The following PICALM variants were observed in gnomAD, a reference collection of about 807,000 sequenced individuals.
The protein encoded by PICALM is phosphatidylinositol binding clathrin assembly protein, also known as phosphatidylinositol-binding clathrin assembly protein.
In PICALM, 40 loss-of-function variants were observed where a neutral mutation model predicts 80.5. The ratio of observed to expected loss-of-function variants is 0.50; its 90% CI spans 0.39 to 0.65. The LOEUF (loss-of-function observed/expected upper bound fraction) is 0.65, where lower values mean the gene tolerates loss of function less well. Ranked by LOEUF, PICALM falls within the 30% of genes least tolerant of loss-of-function variation. PICALM has a pLI of 0.00. For synonymous variants in PICALM, 288 were observed against 260.3 expected, an observed-to-expected ratio of 1.11 and a Z score of -1.02; for missense variants, 676 against 778.9, an observed-to-expected ratio of 0.87 and a Z score of 1.57.
intron 19 of PICALM, among the ~76,000 whole-genome samples, chr11:85,960,157 G>A (rs571665096): frequency 6.6e-6 from 1 of 152,048 alleles, no homozygotes; most frequent in South Asian, 2.1e-4. Context: ...GGGTACTACT[G>A]TTCATTCAAA....
At chr11:86,030,468 C>T (rs765401081) in intron 2 of PICALM, among the ~76,000 whole-genome samples, 2 of 152,112 alleles carry the variant, frequency 1.3e-5, no homozygotes, top group Non-Finnish European at 2.9e-5. Context: ...GTTATCTTCC[C>T]GGGCTGCATT....
chr11:86,037,452 G>T (rs1295474002), intron 1 of PICALM, among the ~76,000 whole-genome samples: 1 of 151,172 alleles, frequency 6.6e-6, no homozygotes, highest in African/African-American at 2.4e-5. Flanking sequence ...TAGAGATGGG[G>T]TTTCACCATC....
rs111363979 is a variant in PICALM at position 86,001,186 on chromosome 11, G to A, written c.894-28C>T. ...AGGATAATTGAACAGAGATAATTTG[G>A]CTTTTTGCTAAACACTTCACATTAC... is the stretch of plus-strand genomic sequence containing the variant. On this transcript the variant is annotated intron_variant, in intron 9 of 19. Coordinates refer to ENST00000393346, the MANE Select transcript of PICALM (RefSeq NM_007166.4). 2.3e-4 allele frequency: 367 copies of A among 1,608,772 alleles called. 2 individuals carry two copies. In the African/African-American group the frequency reaches 4.1e-3, roughly 18 times the overall value.
chr11:86,033,991 A>T (rs2095801416), intron 1 of PICALM, among the ~76,000 whole-genome samples: 1 of 152,208 alleles, frequency 6.6e-6, no homozygotes, highest in African/African-American at 2.4e-5. Flanking sequence ...ATTTCAAATT[A>T]AAAGGGGATC....
At chr11:86,012,125 G>T (rs2095408703) in intron 6 of PICALM, among the ~76,000 whole-genome samples, 156 bp downstream of exon 6, 1 of 152,168 alleles carries the variant, frequency 6.6e-6, no homozygotes, top group Non-Finnish European at 1.5e-5. Context: ...ACTTGCAGAA[G>T]TAATTAGGTA....
chr11:85,958,921 A>G lies in PICALM; in HGVS notation c.*125T>C, dbSNP rs1341578085. 1.6e-6 allele frequency: 1 copy of G among 637,136 alleles called. No homozygotes were observed. The highest frequency in any genetic ancestry group is 2.6e-5 in the East Asian group (1 of 37,750). 39.5% of individuals were successfully genotyped at this position (637,136 alleles called of 1,614,324 possible). A position where few individuals can be genotyped will look rare whatever the true frequency, so the allele number is the denominator to read the frequency against. On this transcript the variant is annotated 3_prime_UTR_variant, in exon 20 of 20. Coordinates refer to ENST00000393346, the MANE Select transcript of PICALM (RefSeq NM_007166.4). Reference sequence around the variant, plus strand: ...CATGGGCCTTCACTGAGTTACTTGTAGCATTCTAATGGAAGAAGAGAGTTT... The same window carrying G: ...CATGGGCCTTCACTGAGTTACTTGTGGCATTCTAATGGAAGAAGAGAGTTT...
Position 85,974,739 on chromosome 11 carries a change from G to C in PICALM, c.1913C>G (p.Pro638Arg), listed in dbSNP as rs765201736. The C allele has an allele frequency of 3.7e-6, 6 of 1,613,064 alleles. No individual in the cohort carries two copies. In the African/African-American group the frequency reaches 8.0e-5, roughly 22 times the overall value. Residue 638 changes from proline (P) to arginine (R), a missense_variant, in exon 19 of 20, where the codon CCA (proline) becomes CGA (arginine). This residue lies in a region of PICALM where 391 missense variants were observed against 383.6 expected (regional missense o/e 1.02). Transcript: ENST00000393346. ...LIYSQPVMRP[P>R]NPFGPVSGAQ... is the part of the protein sequence containing the mutation. ...TCCTGATACAGGGCCAAAGGGGTTT[G>C]GAGGTCTCATGACAGGCTGGCTGTA...
intron 6 of PICALM, 98 bp downstream of exon 6, chr11:86,012,183 T>C: frequency 1.8e-6 from 1 of 557,740 alleles, no homozygotes; most frequent in Admixed American, 3.3e-5. Context: ...GAATATATCA[T>C]AATAAATTTT....
intron 19 of PICALM, 88 bp from the exon 20 acceptor site, chr11:85,959,148 C>A: frequency 1.1e-6 from 1 of 885,630 alleles, no homozygotes; most frequent in Non-Finnish European, 1.8e-6. Context: ...TACCATTTAA[C>A]TGGCCCAGAA....
At chr11:85,962,081 A>G (rs592314) in intron 19 of PICALM, among the ~76,000 whole-genome samples, 124,140 of 152,034 alleles carry the variant, frequency 0.82, 50,879 homozygotes, top group African/African-American at 0.89. Flanking sequence ...CAAATGGAAC[A>G]ATGATGGAAT....
At chr11:86,011,315 T>G (rs2095390091) in intron 6 of PICALM, among the ~76,000 whole-genome samples, 179 bp from the exon 7 acceptor site, 1 of 152,204 alleles carries the variant, frequency 6.6e-6, no homozygotes, top group South Asian at 2.1e-4. Flanking sequence ...GAGGTGCTAT[T>G]ATACTAAAAA....
chr11:85,989,319 C>T (rs2094688393), intron 13 of PICALM, among the ~76,000 whole-genome samples: 2 of 152,158 alleles, frequency 1.3e-5, no homozygotes, highest in Non-Finnish European at 2.9e-5. Context: ...TACTAACTTG[C>T]TTTCTAGTTA....
rs199724700 is a variant in PICALM at position 86,000,993 on chromosome 11, C to A, written c.1017+42G>T. On this transcript the variant is annotated intron_variant, in intron 10 of 19. Coordinates refer to ENST00000393346, the MANE Select transcript of PICALM (RefSeq NM_007166.4). Reference sequence around the variant, plus strand: ...AGAGGCCCCATTTACCTAATGAACACCTGTACTCATTTTTCGAAATAAGGA... The same window carrying A: ...AGAGGCCCCATTTACCTAATGAACAACTGTACTCATTTTTCGAAATAAGGA... 5.5e-5 allele frequency: 89 copies of A among 1,609,144 alleles called. No individual in the cohort carries two copies. The African/African-American group carries it at 1.1e-3, about 19-fold the overall frequency.
chr11:85,959,248 T>G (rs762952983), intron 19 of PICALM, among the ~76,000 whole-genome samples, 188 bp from the exon 20 acceptor site: 21 of 152,216 alleles, frequency 1.4e-4, no homozygotes, highest in Admixed American at 3.3e-4. Context: ...ATTTGACACA[T>G]ATAGGGACTT....
chr11:86,000,886 A>G (rs2095123384), intron 10 of PICALM, 107 bp from the exon 11 acceptor site: 3 of 1,485,166 alleles, frequency 2.0e-6, no homozygotes, highest in South Asian at 1.3e-5. Context: ...ATTCTGTTTT[A>G]CCTAATTCTA....
At chr11:85,979,351 C>A (rs919425133) in intron 17 of PICALM, among the ~76,000 whole-genome samples, 13 of 151,702 alleles carry the variant, frequency 8.6e-5, no homozygotes, top group African/African-American at 3.1e-4. Flanking sequence ...TTAGCTGGAC[C>A]TGGTGGTGGG....
intron 1 of PICALM, among the ~76,000 whole-genome samples, chr11:86,056,652 C>T (rs1269477967): frequency 1.3e-5 from 2 of 151,902 alleles, no homozygotes; most frequent in Non-Finnish European, 2.9e-5. Context: ...ACCATATAAC[C>T]CAGTAATTTT....
At chr11:85,970,799 T>C (rs1169221470) in intron 19 of PICALM, among the ~76,000 whole-genome samples, 1 of 152,160 alleles carries the variant, frequency 6.6e-6, no homozygotes, top group Non-Finnish European at 1.5e-5. Context: ...TGAGACTCCA[T>C]TACCCACACA....
At chr11:85,991,779 A>G (rs948232426) in intron 12 of PICALM, among the ~76,000 whole-genome samples, 3 of 152,256 alleles carry the variant, frequency 2.0e-5, no homozygotes, top group African/African-American at 7.2e-5. Context: ...AAAAAGAATC[A>G]GAAAACAGTA....
Sources: gnomAD v4.1 joint callset for allele counts (sites outside exome capture counted in the v4.1 genomes callset) on GRCh38, gnomAD v4.1.1 for gene constraint, gnomAD v4.1.1 regional missense constraint, MANE v1.5 for transcripts, NCBI Gene and HGNC (gene_info 2026-07-23, HGNC 2026-07-21) for gene names.